The following DEPTOR variants were observed in gnomAD, a reference collection of about 807,000 sequenced individuals.
The protein encoded by DEPTOR is DEP domain containing MTOR interacting protein.
DEPTOR carries 41 observed loss-of-function variants against 41.6 expected under a neutral mutation model. The observed-to-expected ratio is 0.98, with a 90% CI of 0.77 to 1.28. DEPTOR has a LOEUF of 1.28. DEPTOR is among the 50% of genes most tolerant of loss of function. The pLI is 0.00. For missense variants in DEPTOR, 514 were observed against 527.9 expected (o/e 0.97, Z 0.26); for synonymous variants, 195 against 192.3 (o/e 1.01, Z -0.12).
chr8:119,889,648 A>AGGATGGGGAGGGGAGGGGT (rs1827424547), intron 1 of DEPTOR, among the ~76,000 whole-genome samples: 1 of 20,652 alleles, frequency 4.8e-5, no homozygotes, highest in Non-Finnish European at 8.9e-5. Flanking sequence ...AGGGGAGGGG[A>AGGATGGGGAGGGGAGGGGT]GGATGGGGAG....
At chr8:119,966,225 G>A (rs1828559208) in intron 4 of DEPTOR, among the ~76,000 whole-genome samples, 1 of 152,120 alleles carries the variant, frequency 6.6e-6, no homozygotes, top group African/African-American at 2.4e-5. Context: ...AGCACTTTGG[G>A]AGGCTGAGGT....
chr8:119,963,903 A>G (rs549882557), intron 3 of DEPTOR, among the ~76,000 whole-genome samples: 78 of 152,276 alleles, frequency 5.1e-4, no homozygotes, highest in South Asian at 8.3e-4. Context: ...AATATACCAT[A>G]GGCTGAGTAG....
chr8:119,886,390 G>A (rs1765939470), intron 1 of DEPTOR, among the ~76,000 whole-genome samples: 1 of 152,108 alleles, frequency 6.6e-6, no homozygotes, highest in Admixed American at 6.6e-5. Flanking sequence ...CTGAGTCGGT[G>A]GGATTGTAGC....
At chr8:120,011,220 G>A (rs1189525631) in intron 8 of DEPTOR, among the ~76,000 whole-genome samples, 1 of 152,166 alleles carries the variant, frequency 6.6e-6, no homozygotes, top group Non-Finnish European at 1.5e-5. Flanking sequence ...GGTAATCAGC[G>A]CTGGTATGAT....
intron 4 of DEPTOR, among the ~76,000 whole-genome samples, chr8:119,990,787 G>C (rs1206167976): frequency 6.6e-6 from 1 of 152,170 alleles, no homozygotes; most frequent in East Asian, 1.9e-4. Flanking sequence ...AATGTTGTCA[G>C]TGCTAAGGAA....
rs117259248 is a variant in DEPTOR at position 120,028,031 on chromosome 8, G to A, written c.1101+18898G>A. 3.8e-3 allele frequency among the ~76,000 whole-genome samples: 582 copies of A among 152,292 alleles called. 4 individuals are homozygous for A. Among genetic ancestry groups the A allele is most frequent in the Admixed American group, 9.1e-3 (139 of 15,302 alleles). ...CTCTTAAAGATGGATATGATGCTGC[G>A]TAATCCGGTCATGTTGTTGGATAAA... On this transcript the variant is annotated intron_variant, in intron 8 of 8. Coordinates refer to ENST00000286234, the MANE Select transcript of DEPTOR (RefSeq NM_022783.4).
At chr8:119,960,296 A>G (rs540081148) in intron 3 of DEPTOR, among the ~76,000 whole-genome samples, 2 of 152,268 alleles carry the variant, frequency 1.3e-5, no homozygotes, top group South Asian at 4.1e-4. Flanking sequence ...CTTGCCCCCA[A>G]GATTTTTGAT....
chr8:119,956,926 G>A (rs980051267), intron 3 of DEPTOR, among the ~76,000 whole-genome samples: 5 of 151,822 alleles, frequency 3.3e-5, no homozygotes, highest in Non-Finnish European at 2.9e-5. Flanking sequence ...TAGTAGAGAC[G>A]GGGTTTCACC....
intron 1 of DEPTOR, among the ~76,000 whole-genome samples, chr8:119,922,494 C>T (rs777599253): frequency 6.6e-5 from 10 of 152,224 alleles, no homozygotes; most frequent in East Asian, 1.9e-4. Flanking sequence ...TACTCAGTGT[C>T]GTTGTCACTG....
intron 4 of DEPTOR, among the ~76,000 whole-genome samples, chr8:119,983,044 G>A (rs1828787306): frequency 6.6e-6 from 1 of 152,184 alleles, no homozygotes; most frequent in African/African-American, 2.4e-5. Flanking sequence ...ACTTCCTTAT[G>A]AAACATACGC....
At chr8:119,942,489 A>T (rs1342320750) in intron 3 of DEPTOR, among the ~76,000 whole-genome samples, 3 of 152,156 alleles carry the variant, frequency 2.0e-5, no homozygotes, top group Non-Finnish European at 4.4e-5. Context: ...TACAGGCGTG[A>T]GCCACCGCGT....
chr8:119,972,589 C>T (rs1828646476), intron 4 of DEPTOR, among the ~76,000 whole-genome samples: 1 of 150,432 alleles, frequency 6.6e-6, no homozygotes, highest in Non-Finnish European at 1.5e-5. Flanking sequence ...TGCCACTGCA[C>T]TCCAGCCTTT....
intron 3 of DEPTOR, among the ~76,000 whole-genome samples, chr8:119,960,915 C>T (rs947638180): frequency 1.3e-5 from 2 of 151,554 alleles, no homozygotes; most frequent in Non-Finnish European, 2.9e-5. Context: ...ATCCGGGAGG[C>T]GGAGGTTGCA....
chr8:120,025,071 C>T (rs1486992880), intron 8 of DEPTOR, among the ~76,000 whole-genome samples: 1 of 152,166 alleles, frequency 6.6e-6, no homozygotes, highest in African/African-American at 2.4e-5. Context: ...TCCCTGCCCT[C>T]AGGGGGCTTC....
At chr8:120,000,472 G>T (rs993279261) in intron 4 of DEPTOR, among the ~76,000 whole-genome samples, 22 of 151,892 alleles carry the variant, frequency 1.4e-4, no homozygotes, top group South Asian at 6.2e-4. Flanking sequence ...AGTTATTTTG[G>T]TTTTTTCTGA....
chr8:119,984,993 T>C (rs2326429), intron 4 of DEPTOR, among the ~76,000 whole-genome samples: 55,679 of 151,956 alleles, frequency 0.37, 10,893 homozygotes, highest in East Asian at 0.57. Context: ...GAGACCAGCC[T>C]GGCCTACATA....
At chr8:119,930,162 G>A (rs1417610656) in intron 3 of DEPTOR, among the ~76,000 whole-genome samples, 1 of 152,156 alleles carries the variant, frequency 6.6e-6, no homozygotes, top group Non-Finnish European at 1.5e-5. Flanking sequence ...CTTATTTTCT[G>A]TATTTAAGTT....
chr8:119,916,266 A>ATTTTTGTTTTTTTTTTTTTTTTTTTTT (rs1827812381), intron 1 of DEPTOR, among the ~76,000 whole-genome samples: 2 of 123,296 alleles, frequency 1.6e-5, no homozygotes, highest in Non-Finnish European at 1.7e-5. Context: ...GGCTAGGCTA[A>ATTTTTGTTTTTTTTTTTTTTTTTTTTT]TTTTTTTTTT....
intron 3 of DEPTOR, 128 bp from the exon 4 acceptor site, chr8:119,965,104 T>C: frequency 3.0e-6 from 3 of 1,001,242 alleles, no homozygotes; most frequent in Non-Finnish European, 4.3e-6. Flanking sequence ...ACATGTGTGG[T>C]GGCACCTGAC....
Sources: allele counts gnomAD v4.1 joint callset (sites outside exome capture counted in the v4.1 genomes callset), GRCh38; gene constraint gnomAD v4.1.1; transcripts MANE v1.5; gene names NCBI Gene and HGNC (gene_info 2026-07-23, HGNC 2026-07-21).